Variants in CEP76 observed in about 807,000 individuals in gnomAD.
The protein encoded by CEP76 is centrosomal protein of 76 kDa.
CEP76 carries 55 observed loss-of-function variants against 83.3 expected under a neutral mutation model. The observed-to-expected ratio is 0.66, with a 90% CI of 0.53 to 0.83. CEP76 has a LOEUF of 0.83. CEP76 is among the 40% of genes least tolerant of loss of function. CEP76 has a pLI of 0.00. For missense variants in CEP76, 694 were observed against 799.5 expected, an observed-to-expected ratio of 0.87 and a Z score of 1.59; for synonymous variants, 270 against 274.5, an observed-to-expected ratio of 0.98 and a Z score of 0.16.
chr18:12,679,777 T>C (rs1048884931), intron 9 of CEP76, among the ~76,000 whole-genome samples: 2 of 152,060 alleles, frequency 1.3e-5, no homozygotes, highest in Admixed American at 6.6e-5. Context: ...AAAAAACATA[T>C]GCCAGCCAGG....
chr18:12,674,747 C>G lies in CEP76; in HGVS notation c.1630G>C (p.Gly544Arg). 6.2e-7 allele frequency: 1 copy of G among 1,610,264 alleles called. No individual in the cohort carries two copies. Among genetic ancestry groups the G allele is most frequent in the Non-Finnish European group, 8.5e-7 (1 of 1,177,504 alleles). ...TGGTCTTCCCAAACAGTAGTGAGGC[C>G]AAGATCCTATGAGCAATCAAGAGAA... ...LLVSEHRKDL[G>R]LTTVWEDQLS... Residue 544 changes from glycine (G) to arginine (R), a missense_variant, in exon 11 of 12, where the codon GGC becomes CGC. Coordinates refer to ENST00000262127, the MANE Select transcript of CEP76 (RefSeq NM_024899.4).
intron 1 of CEP76, 111 bp from the exon 2 acceptor site, chr18:12,701,224 T>C: frequency 2.7e-6 from 2 of 733,790 alleles, no homozygotes; most frequent in South Asian, 3.6e-5. Flanking sequence ...TTACCACAAT[T>C]GAATGGGAAC....
At chr18:12,677,997 G>C in intron 10 of CEP76, 112 bp downstream of exon 10, 1 of 752,732 alleles carries the variant, frequency 1.3e-6, no homozygotes, top group Non-Finnish European at 2.2e-6. Context: ...AGGGACTGTA[G>C]TTGTTTTGTT....
chr18:12,662,360 C>T (rs1339399363), intron 12 of CEP76, among the ~76,000 whole-genome samples: 7 of 152,182 alleles, frequency 4.6e-5, no homozygotes, highest in Non-Finnish European at 1.0e-4. Context: ...AGAGAAAATA[C>T]AGTCATAGGA....
downstream of CEP76, among the ~76,000 whole-genome samples, chr18:12,668,770 GCT>G (rs1255521001): frequency 1.0e-5 from 1 of 100,476 alleles, no homozygotes. Context: ...ACAGAGTCTT[GCT>G]CTGTCACCCA....
downstream of CEP76, among the ~76,000 whole-genome samples, chr18:12,668,597 C>CAAAAAAAAAAAAAAAAAAA (rs752216074): frequency 8.2e-5 from 6 of 72,830 alleles, no homozygotes; most frequent in Non-Finnish European, 1.2e-4. Context: ...GATTCCATCT[C>CAAAAAAAAAAAAAAAAAAA]AAAAAAAAAA....
At chr18:12,694,708 C>CTT (rs1397325257) in intron 6 of CEP76, among the ~76,000 whole-genome samples, 2 of 144,442 alleles carry the variant, frequency 1.4e-5, no homozygotes, top group Non-Finnish European at 1.5e-5. Flanking sequence ...TCCTGTAATT[C>CTT]TTTTTTTTTT....
rs1169303587 is a variant in CEP76 at position 12,686,348 on chromosome 18, G to A, written c.1036C>T (p.Leu346Phe). 4 of 1,613,920 alleles carry A rather than the reference G, an allele frequency of 2.5e-6. No individual in the cohort carries two copies. The South Asian group carries it at 4.4e-5, about 18-fold the overall frequency. The stretch of plus-strand genomic sequence containing the variant: ...ATAACAGGGGCTCGTTCATAACCAA[G>A]GACATTAACAAATCTTGCTGCTTGC... Reference protein sequence around the residue: ...PRQAARFVNVLGYERAPVIGG... With the variant: ...PRQAARFVNVFGYERAPVIGG... Residue 346 changes from leucine (L) to phenylalanine (F), a missense_variant, in exon 8 of 12, where the codon CTT (leucine) becomes TTT (phenylalanine). Coordinates refer to ENST00000262127, the MANE Select transcript of CEP76 (RefSeq NM_024899.4).
chr18:12,678,047 A>G, intron 10 of CEP76, 62 bp downstream of exon 10: 1 of 1,377,378 alleles, frequency 7.3e-7, no homozygotes, highest in Non-Finnish European at 1.0e-6. Flanking sequence ...CACACACCAA[A>G]AAACAGTTAA....
intron 6 of CEP76, among the ~76,000 whole-genome samples, chr18:12,692,516 C>T (rs2039805234): frequency 6.6e-6 from 1 of 151,816 alleles, no homozygotes; most frequent in Admixed American, 6.6e-5. Flanking sequence ...GTGCTGGAAG[C>T]TCAGCCCCAA....
At chr18:12,685,915 G>C (rs886120778) in intron 8 of CEP76, 1 of 162,408 alleles carries the variant, frequency 6.2e-6, no homozygotes, top group African/African-American at 2.4e-5. Context: ...ACAGGCATGA[G>C]CCACTGCGGC....
rs974989710 is a variant in CEP76 at position 12,691,489 on chromosome 18, T to C, written c.805-2A>G. 2.5e-6 allele frequency: 4 copies of C among 1,577,724 alleles called. No homozygotes were observed. The highest frequency in any genetic ancestry group is 3.4e-6 in the Non-Finnish European group (4 of 1,166,236). On this transcript the variant is annotated splice_acceptor_variant, in intron 6 of 11. Transcript: ENST00000262127. LOFTEE classifies it high-confidence loss of function. ...AGTTTTCTGACGTTCCAAAGCAAGC[T>C]TGAAATTGAAAAAAATATTTTTCAA...
At chr18:12,671,124 G>C (rs1291986096), downstream of CEP76, 1 of 139,328 alleles carries the variant, frequency 7.2e-6, no homozygotes, top group African/African-American at 2.5e-5. Context: ...TATTCTTTTA[G>C]AGAAATAGGG....
intron 6 of CEP76, among the ~76,000 whole-genome samples, chr18:12,694,661 G>A (rs2039883629): frequency 6.6e-6 from 1 of 151,996 alleles, no homozygotes; most frequent in Non-Finnish European, 1.5e-5. Context: ...CCATCCCACT[G>A]AGGTTGCACT....
chr18:12,669,932 G>GATT (rs1401744693), downstream of CEP76, among the ~76,000 whole-genome samples: 2 of 151,946 alleles, frequency 1.3e-5, no homozygotes, highest in African/African-American at 4.8e-5. Context: ...AGGAGGCGGA[G>GATT]GTTGCGGTGA....
Position 12,698,298 on chromosome 18 carries a change from G to A in CEP76, c.520+681C>T, listed in dbSNP as rs528081559. Among the ~76,000 whole-genome samples, 10 of 151,652 alleles carry A rather than the reference G, an allele frequency of 6.6e-5. No individual in the cohort carries two copies. The South Asian group carries it at 8.3e-4, about 13-fold the overall frequency. On this transcript the variant is annotated intron_variant, in intron 4 of 11. Transcript: ENST00000262127. ...GGCTGGAGTGCAATGGGGTGATCTCGGCTCATTACACGCGCCTGCCACCAT... is the reference window on the plus strand; with the variant it reads ...GGCTGGAGTGCAATGGGGTGATCTCAGCTCATTACACGCGCCTGCCACCAT...
At chr18:12,699,757 T>C (rs2040086998) in intron 3 of CEP76, 73 bp downstream of exon 3, 1 of 838,202 alleles carries the variant, frequency 1.2e-6, no homozygotes, top group East Asian at 2.9e-5. Context: ...ATGTCTTCTA[T>C]CAAATACGAA....
chr18:12,686,101 T>C (rs2039532010), intron 8 of CEP76, 161 bp downstream of exon 8: 1 of 506,872 alleles, frequency 2.0e-6, no homozygotes, highest in Non-Finnish European at 3.4e-6. Context: ...CTTTTGTAAG[T>C]ATTTTTGATC....
At chr18:12,669,098 G>A (rs530632436), downstream of CEP76, among the ~76,000 whole-genome samples, 20 of 129,220 alleles carry the variant, frequency 1.5e-4, no homozygotes, top group African/African-American at 5.6e-4. Flanking sequence ...GAGTGCAGTG[G>A]TGTGATCTCA....
Sources: gnomAD v4.1 joint callset for allele counts (sites outside exome capture counted in the v4.1 genomes callset) on GRCh38, gnomAD v4.1.1 for gene constraint, MANE v1.5 for transcripts, NCBI Gene and HGNC (gene_info 2026-07-23, HGNC 2026-07-21) for gene names.